The following PPFIBP2 variants were observed in gnomAD, a reference collection of about 807,000 sequenced individuals.
PPFIBP2 encodes PPFIB scaffold protein 2.
In PPFIBP2, 118 loss-of-function variants were observed where a neutral mutation model predicts 118.3. The observed-to-expected ratio is 1.00, with a 90% CI of 0.86 to 1.16. The LOEUF (loss-of-function observed/expected upper bound fraction) is 1.16, where lower values mean the gene tolerates loss of function less well. PPFIBP2 is among the 50% of genes most tolerant of loss of function. The pLI is 0.00. For synonymous variants in PPFIBP2, 414 were observed against 397.4 expected (o/e 1.04, Z -0.50); for missense variants, 1,195 against 1,073.1 (o/e 1.11, Z -1.59).
chr11:7,648,312 G>T, intron 17 of PPFIBP2, 75 bp from the exon 18 acceptor site: 1 of 1,466,794 alleles, frequency 6.8e-7, no homozygotes, highest in South Asian at 1.3e-5. Context: ...CTTTTCTTTT[G>T]TTTGTGAGAC....
Position 7,514,057 on chromosome 11 carries a change from G to T in PPFIBP2, c.-101G>T, listed in dbSNP as rs1394358089. 6.6e-6 allele frequency: 1 copy of T among 152,314 alleles called. No individual in the cohort carries two copies. The highest frequency in any genetic ancestry group is 1.5e-5 in the Non-Finnish European group (1 of 68,104). The allele number at this position is 152,314 out of a possible 1,614,324, so 9.4% of individuals were successfully genotyped here. On this transcript the variant is annotated 5_prime_UTR_variant, in exon 1 of 24. Coordinates refer to ENST00000299492, the MANE Select transcript of PPFIBP2 (RefSeq NM_003621.5). ...TTCTGGGCTCTCATGTTTGAAGGTG[G>T]GAGGGACACGGGAGCGGCCCGCACA... is the stretch of plus-strand genomic sequence containing the variant.
chr11:7,657,192 G>C (rs149767743), downstream of PPFIBP2: 1 of 215,120 alleles, frequency 4.6e-6, no homozygotes, highest in African/African-American at 2.3e-5. Context: ...AAAAAGTTCC[G>C]AAAAACTGTT....
downstream of PPFIBP2, among the ~76,000 whole-genome samples, chr11:7,660,744 C>G (rs959623058): frequency 2.6e-5 from 4 of 150,984 alleles, no homozygotes; most frequent in Admixed American, 6.6e-5. Context: ...CCTTGTACCT[C>G]TGGTAGAATT....
chr11:7,592,426 T>G (rs1590421671), intron 3 of PPFIBP2, among the ~76,000 whole-genome samples: 1 of 152,330 alleles, frequency 6.6e-6, no homozygotes, highest in African/African-American at 2.4e-5. Flanking sequence ...TCCTTAGCTT[T>G]TGCTCTGGCA....
At chr11:7,567,570 A>G (rs372562954) in intron 3 of PPFIBP2, among the ~76,000 whole-genome samples, 1 of 152,242 alleles carries the variant, frequency 6.6e-6, no homozygotes, top group South Asian at 2.1e-4. Flanking sequence ...TCATATAAAC[A>G]TTCCAAGTTG....
chr11:7,643,409 A>T (rs1852505038), intron 17 of PPFIBP2, among the ~76,000 whole-genome samples: 4 of 152,198 alleles, frequency 2.6e-5, no homozygotes, highest in Admixed American at 2.6e-4. Context: ...ATGGTTAGGG[A>T]GCTATCTGTA....
chr11:7,543,351 G>C (rs1851981922), intron 1 of PPFIBP2, among the ~76,000 whole-genome samples: 1 of 152,180 alleles, frequency 6.6e-6, no homozygotes, highest in African/African-American at 2.4e-5. Flanking sequence ...TTTATCATCT[G>C]TTTGCCACTT....
intron 2 of PPFIBP2, among the ~76,000 whole-genome samples, chr11:7,555,584 G>C (rs1421537505): frequency 6.6e-6 from 1 of 152,150 alleles, no homozygotes; most frequent in Non-Finnish European, 1.5e-5. Context: ...GTTTCCCATT[G>C]CAGGTTGTGA....
chr11:7,522,287 CGT>C (rs968514371), intron 1 of PPFIBP2, among the ~76,000 whole-genome samples: 3 of 152,012 alleles, frequency 2.0e-5, no homozygotes, highest in Admixed American at 6.5e-5. Flanking sequence ...TGGATACTGA[CGT>C]GTGTTAGTTT....
At chr11:7,620,620 C>T (rs1417159588) in intron 6 of PPFIBP2, among the ~76,000 whole-genome samples, 1 of 152,180 alleles carries the variant, frequency 6.6e-6, no homozygotes, top group African/African-American at 2.4e-5. Flanking sequence ...TCCGAAGCCT[C>T]GCCTGCCTGC....
chr11:7,577,320 C>CATGTAT (rs1554958702), intron 3 of PPFIBP2: 2 of 208,988 alleles, frequency 9.6e-6, no homozygotes, highest in African/African-American at 5.8e-5. Flanking sequence ...CATGTATGTG[C>CATGTAT]GTGTGTGTGT....
At chr11:7,593,534 C>T (rs1379169604) in intron 4 of PPFIBP2, among the ~76,000 whole-genome samples, 1 of 152,156 alleles carries the variant, frequency 6.6e-6, no homozygotes, top group East Asian at 1.9e-4. Context: ...CAAAATGGGC[C>T]CTGTCCCCCA....
At chr11:7,656,687 A>C (rs1371320108), downstream of PPFIBP2, 2 of 1,287,130 alleles carry the variant, frequency 1.6e-6, no homozygotes, top group Non-Finnish European at 2.0e-6. Context: ...GCCTGGACCA[A>C]AACTCTATTA....
At chr11:7,644,763 C>T (rs1231978732) in intron 17 of PPFIBP2, among the ~76,000 whole-genome samples, 5 of 151,938 alleles carry the variant, frequency 3.3e-5, no homozygotes, top group African/African-American at 1.2e-4. Context: ...CGCGGTGGCT[C>T]ACGCCTGTAA....
Position 7,616,766 on chromosome 11 carries a change from T to TTG in PPFIBP2, c.619-4160_619-4159dup, listed in dbSNP as rs148584962. On this transcript the variant is annotated intron_variant, in intron 6 of 23. Transcript: ENST00000299492. The surrounding 1 kb of genome is among the most constrained non-coding windows in gnomAD (Gnocchi z 5.2). ...ATGCATATGTGGAGAGAGGACGTGT[T>TTG]TGTGTGTGTGCCCCAGTGTGCACCC... 6.6e-6 allele frequency among the ~76,000 whole-genome samples: 1 copy of TTG among 151,644 alleles called. No homozygotes were observed.
At chr11:7,650,784 G>C (rs1853874199) in intron 21 of PPFIBP2, 56 bp from the exon 22 acceptor site, 1 of 1,587,120 alleles carries the variant, frequency 6.3e-7, no homozygotes, top group East Asian at 2.3e-5. Context: ...CTCCACAGAG[G>C]ACCATGGTGG....
chr11:7,659,242 T>TA (rs1369701716), downstream of PPFIBP2, among the ~76,000 whole-genome samples: 22 of 149,544 alleles, frequency 1.5e-4, no homozygotes, highest in Non-Finnish European at 2.8e-4. Context: ...TGAATGGTAA[T>TA]GCCTAGGTTT....
intron 5 of PPFIBP2, chr11:7,606,065 G>C: frequency 6.6e-7 from 1 of 1,510,178 alleles, no homozygotes; most frequent in Non-Finnish European, 8.8e-7. Flanking sequence ...GAAGTAGGTT[G>C]GTTCCTTCGG....
At chr11:7,572,252 C>A (rs1241308710) in intron 3 of PPFIBP2, among the ~76,000 whole-genome samples, 2 of 152,134 alleles carry the variant, frequency 1.3e-5, no homozygotes, top group Non-Finnish European at 2.9e-5. Flanking sequence ...TTATGTCACG[C>A]CCTGCCCTAG....
Sources: allele counts gnomAD v4.1 joint callset (sites outside exome capture counted in the v4.1 genomes callset), GRCh38; gene constraint gnomAD v4.1.1; non-coding constraint Gnocchi (gnomAD v3.1); transcripts MANE v1.5; gene names NCBI Gene and HGNC (gene_info 2026-07-23, HGNC 2026-07-21).